The following MGA variants were observed in gnomAD, a reference collection of about 807,000 sequenced individuals.
MGA encodes MAX gene-associated protein.
Under a neutral mutation model 261.1 loss-of-function variants are expected in MGA, and 40 were observed. The ratio of observed to expected loss-of-function variants is 0.15; its 90% CI spans 0.12 to 0.20. The LOEUF (loss-of-function observed/expected upper bound fraction) is 0.20. MGA is among the 10% of genes least tolerant of loss of function. The pLI, the probability that MGA is intolerant of heterozygous loss-of-function variation, is 1.00. For missense variants in MGA, 3,397 were observed against 3,630.5 expected (o/e 0.94, Z 1.65); for synonymous variants, 1,302 against 1,290.6 (o/e 1.01, Z -0.19).
intron 13 of MGA, among the ~76,000 whole-genome samples, chr15:41,739,423 C>T (rs556036256): frequency 1.9e-4 from 29 of 152,274 alleles, no homozygotes; most frequent in African/African-American, 7.0e-4. Context: ...TGTCTTATAA[C>T]TTAAAGTAGA....
At position 41,628,826 on chromosome 15, in the gene MGA, C is replaced by T. The variant is rs371422202; in HGVS notation, c.-68+7528C>T. Among the ~76,000 whole-genome samples, 18 of 152,224 alleles carry T rather than the reference C, an allele frequency of 1.2e-4. No individual in the cohort carries two copies. In the East Asian group the frequency reaches 2.9e-3, roughly 24 times the overall value. ...TACCTAATTTATGTTTTCAAAACAT[C>T]GCTTTGCTGCAGAGGCAATTAAGCC... On this transcript the variant is annotated intron_variant, in intron 1 of 8. Coordinates refer to the MGA transcript ENST00000566718.
intron 14 of MGA, among the ~76,000 whole-genome samples, chr15:41,740,626 C>T (rs1170164638): frequency 6.6e-6 from 1 of 152,048 alleles, no homozygotes; most frequent in African/African-American, 2.4e-5. Context: ...AAATAGTTTA[C>T]TATTTTCCTG....
chr15:41,693,224 T>C (rs1307936298), intron 2 of MGA, among the ~76,000 whole-genome samples: 1 of 151,966 alleles, frequency 6.6e-6, no homozygotes, highest in African/African-American at 2.4e-5. Context: ...TAGTTACATA[T>C]GTATACATGT....
At chr15:41,674,485 A>G (rs557878289) in intron 2 of MGA, among the ~76,000 whole-genome samples, 11 of 152,218 alleles carry the variant, frequency 7.2e-5, no homozygotes, top group South Asian at 4.1e-4. Context: ...GGCATGAGCC[A>G]CTATGCCCAG....
At chr15:41,672,868 A>G (rs768357205) in intron 2 of MGA, among the ~76,000 whole-genome samples, 26 of 97,908 alleles carry the variant, frequency 2.7e-4, no homozygotes, top group East Asian at 3.7e-3. Context: ...ATGCGTGTGC[A>G]CACACACACA....
At chr15:41,625,551 G>A (rs1330693520) in intron 1 of MGA, among the ~76,000 whole-genome samples, 1 of 150,780 alleles carries the variant, frequency 6.6e-6, no homozygotes, top group Non-Finnish European at 1.5e-5. Flanking sequence ...TTGTCTCTAC[G>A]AGAAATACAA....
At chr15:41,706,023 G>T (rs1255363868) in intron 5 of MGA, among the ~76,000 whole-genome samples, 1 of 152,058 alleles carries the variant, frequency 6.6e-6, no homozygotes, top group Non-Finnish European at 1.5e-5. Flanking sequence ...CGGATTACGA[G>T]GTCAGGATTT....
chr15:41,709,923 G>C (rs901814003), intron 7 of MGA, among the ~76,000 whole-genome samples: 1 of 151,498 alleles, frequency 6.6e-6, no homozygotes, highest in Non-Finnish European at 1.5e-5. Flanking sequence ...TCGGGTTCAA[G>C]CAATTCTCCT....
At chr15:41,757,033 C>CT (rs2063191492) in intron 18 of MGA, among the ~76,000 whole-genome samples, 1 of 151,954 alleles carries the variant, frequency 6.6e-6, no homozygotes, top group African/African-American at 2.4e-5. Context: ...ATGGTAAACT[C>CT]TGTCTTAGAA....
chr15:41,742,910 A>T lies in MGA; in HGVS notation c.4950A>T (p.Thr1650=). The stretch of plus-strand genomic sequence containing the variant: ...AAACTAATACCAGCACCTCTGTAAC[A>T]TCTACCCAGTCTACAGCCACTGTGA... The change falls in exon 15 of 24, where the codon ACA becomes ACT. Residue 1650 remains threonine (T), a synonymous_variant. Coordinates refer to ENST00000219905, the MANE Select transcript of MGA (RefSeq NM_001164273.2). The T allele has an allele frequency of 1.9e-6, 3 of 1,614,042 alleles. No homozygotes were observed. The highest frequency in any genetic ancestry group is 2.5e-6 in the Non-Finnish European group (3 of 1,179,892).
chr15:41,676,845 T>C (rs1417381632), intron 2 of MGA, among the ~76,000 whole-genome samples: 1 of 152,236 alleles, frequency 6.6e-6, no homozygotes. Flanking sequence ...CTACCCATAG[T>C]ACATGAGCCT....
At chr15:41,630,453 T>G (rs1000997840) in intron 1 of MGA, among the ~76,000 whole-genome samples, 8 of 152,182 alleles carry the variant, frequency 5.3e-5, no homozygotes, top group Non-Finnish European at 8.8e-5. Flanking sequence ...GTTTAAAAGT[T>G]TTGCTTTGGC....
chr15:41,765,931 T>C (rs898854145), intron 23 of MGA, 73 bp from the exon 24 acceptor site: 2 of 1,234,656 alleles, frequency 1.6e-6, no homozygotes, highest in African/African-American at 3.0e-5. Flanking sequence ...GGTTATATGA[T>C]ATGACAGAGA....
rs2059563026 is a variant in MGA, at chr15:41,696,688, A to G, written c.1678A>G (p.Ile560Val). ...GAAATATCCTGATATATCTGACAGC[A>G]TTAGCACAGAAAGAATACTCGACGA... The change falls in exon 3 of 24, where the codon ATT (isoleucine) becomes GTT (valine). Residue 560 changes from isoleucine (I) to valine (V), a missense_variant. Around this residue, in one of 9 missense-constraint regions of MGA, gnomAD observed 563 missense variants for 563.6 expected, o/e 1.00. Transcript: ENST00000219905. 3.1e-6 allele frequency: 5 copies of G among 1,612,830 alleles called. No individual in the cohort carries two copies. The highest frequency in any genetic ancestry group is 4.2e-6 in the Non-Finnish European group (5 of 1,179,392).
intron 9 of MGA, among the ~76,000 whole-genome samples, chr15:41,714,921 CT>C (rs1201372041): frequency 2.6e-5 from 4 of 152,056 alleles, no homozygotes; most frequent in African/African-American, 7.2e-5. Context: ...TTATCATAAA[CT>C]TTTTTTCTGT....
At chr15:41,752,511 A>G (rs1161465595) in intron 17 of MGA, among the ~76,000 whole-genome samples, 1 of 143,620 alleles carries the variant, frequency 7.0e-6, no homozygotes, top group East Asian at 2.0e-4. Flanking sequence ...AGTGAAAACT[A>G]TTACTATTAG....
intron 1 of MGA, among the ~76,000 whole-genome samples, chr15:41,635,765 G>A (rs910870061): frequency 6.6e-6 from 1 of 152,130 alleles, no homozygotes; most frequent in Non-Finnish European, 1.5e-5. Flanking sequence ...TGATATTTTG[G>A]TCAATGATGG....
chr15:41,760,120 T>C (rs1596009498), intron 19 of MGA: 2 of 560,344 alleles, frequency 3.6e-6, no homozygotes, highest in East Asian at 6.1e-5. Flanking sequence ...CACTTTAGCA[T>C]GTATTAGAAA....
chr15:41,760,959 C>T (rs1400338947), intron 20 of MGA, among the ~76,000 whole-genome samples: 1 of 152,144 alleles, frequency 6.6e-6, no homozygotes, highest in Non-Finnish European at 1.5e-5. Flanking sequence ...TTAGTAGAGA[C>T]GGGGTTTCTC....
Sources: allele counts gnomAD v4.1 joint callset (sites outside exome capture counted in the v4.1 genomes callset), GRCh38; gene constraint gnomAD v4.1.1; regional missense constraint gnomAD v4.1.1; transcripts MANE v1.5; gene names NCBI Gene and HGNC (gene_info 2026-07-23, HGNC 2026-07-21).